ACSM3: variants seen among roughly 807,000 people sequenced by gnomAD.
ACSM3 encodes acyl-coenzyme A synthetase ACSM3, mitochondrial.
Under a neutral mutation model 74.1 loss-of-function variants are expected in ACSM3, and 61 were observed. That is an observed-to-expected ratio of 0.82 (90% CI 0.67 to 1.02). The LOEUF is 1.02. Among genes scored for constraint, ACSM3 ranks in the 50% least tolerant of loss-of-function variants. The pLI, the probability that ACSM3 is intolerant of heterozygous loss-of-function variation, is 0.00. For missense variants in ACSM3, 660 were observed against 697.0 expected, an observed-to-expected ratio of 0.95 and a Z score of 0.60; for synonymous variants, 213 against 241.5, an observed-to-expected ratio of 0.88 and a Z score of 1.09.
chr16:20,703,292 A>T (rs949025172), intron 1 of ACSM3: 6 of 152,096 alleles, frequency 3.9e-5, no homozygotes, highest in African/African-American at 1.4e-4. Flanking sequence ...TCTTGGCTAT[A>T]TGGGCTCTTT....
rs1353621818 is a variant in ACSM3 at position 20,785,082 on chromosome 16, A to G, written c.1118A>G (p.Tyr373Cys). The G allele has an allele frequency of 3.1e-6, 5 of 1,613,558 alleles. No individual in the cohort carries two copies. The highest frequency in any genetic ancestry group is 2.2e-5 in the South Asian group (2 of 91,078). The change falls in exon 8 of 14, where the codon TAC (tyrosine) becomes TGC (cysteine). Residue 373 changes from tyrosine to cysteine, a missense_variant. Transcript: ENST00000289416. ...AGAAACAAGACGGGCCTGGATATCT[A>G]CGAAGGATATGGACAGACTGAAACG... is the stretch of plus-strand genomic sequence containing the variant. ...KWRNKTGLDI[Y>C]EGYGQTETVL...
chr16:20,708,214 T>C (rs1387999022), intron 1 of ACSM3, among the ~76,000 whole-genome samples: 2 of 152,078 alleles, frequency 1.3e-5, no homozygotes, highest in Non-Finnish European at 2.9e-5. Flanking sequence ...GACAGGAGAA[T>C]TGCTTGAACC....
At chr16:20,728,010 T>G (rs2079812767) in intron 1 of ACSM3, among the ~76,000 whole-genome samples, 1 of 152,246 alleles carries the variant, frequency 6.6e-6, no homozygotes, top group African/African-American at 2.4e-5. Flanking sequence ...AGCACACCCA[T>G]GTTTGAGAAC....
At chr16:20,741,481 G>GGGGGGGGGGCGCCCCCCCCCC in intron 1 of ACSM3, 2 of 1,308,412 alleles carry the variant, frequency 1.5e-6, no homozygotes, top group Non-Finnish European at 2.0e-6. Context: ...CTGGCAGCCG[G>GGGGGGGGGGCGCCCCCCCCCC]CCCGCCCGCC....
chr16:20,792,409 G>C, intron 12 of ACSM3, 74 bp downstream of exon 12: 1 of 1,588,400 alleles, frequency 6.3e-7, no homozygotes, highest in Non-Finnish European at 8.6e-7. Context: ...GTAGCTCAGT[G>C]AAACAGAATT....
intron 4 of ACSM3, among the ~76,000 whole-genome samples, chr16:20,779,566 T>G (rs552690165): frequency 6.6e-6 from 1 of 152,144 alleles, no homozygotes; most frequent in Non-Finnish European, 1.5e-5. Context: ...ACACTTGATA[T>G]GTATGTGTGC....
At chr16:20,777,640 T>A (rs1156293369) in intron 4 of ACSM3, 60 bp downstream of exon 4, 1 of 1,441,644 alleles carries the variant, frequency 6.9e-7, no homozygotes, top group East Asian at 2.3e-5. Flanking sequence ...AATAAAAAGA[T>A]ATTAAACCCA....
chr16:20,746,120 A>G (rs943471224), intron 1 of ACSM3, among the ~76,000 whole-genome samples: 1 of 152,230 alleles, frequency 6.6e-6, no homozygotes, highest in Non-Finnish European at 1.5e-5. Flanking sequence ...ATTCCCTGTT[A>G]GATTTAAAAA....
intron 4 of ACSM3, among the ~76,000 whole-genome samples, chr16:20,779,624 A>T (rs1261933506): frequency 2.0e-5 from 3 of 152,044 alleles, no homozygotes; most frequent in African/African-American, 7.2e-5. Flanking sequence ...ATCCTTTGGA[A>T]CTAAAAGGTT....
At chr16:20,729,174 T>C in intron 1 of ACSM3, 1 of 671,744 alleles carries the variant, frequency 1.5e-6, no homozygotes, top group South Asian at 1.6e-5. Context: ...TAATGAGTGT[T>C]ATACCCATTT....
chr16:20,744,419 C>G (rs903823811), intron 1 of ACSM3, among the ~76,000 whole-genome samples: 1 of 152,208 alleles, frequency 6.6e-6, no homozygotes, highest in African/African-American at 2.4e-5. Flanking sequence ...CGGAGTCTTG[C>G]TGTCGCACAG....
intron 1 of ACSM3, among the ~76,000 whole-genome samples, chr16:20,707,809 GT>G (rs1187722421): frequency 6.6e-6 from 1 of 152,088 alleles, no homozygotes; most frequent in African/African-American, 2.4e-5. Context: ...AAATGAAAAG[GT>G]TACTTGAATA....
chr16:20,727,986 C>T (rs569343294), intron 1 of ACSM3, among the ~76,000 whole-genome samples: 1 of 152,310 alleles, frequency 6.6e-6, no homozygotes, highest in East Asian at 1.9e-4. Context: ...CCAGAATCTC[C>T]AATTTGATTC....
chr16:20,733,140 A>G (rs1027967738), intron 1 of ACSM3: 31 of 152,228 alleles, frequency 2.0e-4, no homozygotes, highest in African/African-American at 6.3e-4. Context: ...AAAAGTAAAT[A>G]AAAGTCTAAA....
intron 1 of ACSM3, among the ~76,000 whole-genome samples, chr16:20,678,171 A>G (rs2079351372): frequency 6.6e-6 from 1 of 152,192 alleles, no homozygotes; most frequent in Non-Finnish European, 1.5e-5. Flanking sequence ...TGTTTTGCCC[A>G]GAAAAATATC....
chr16:20,734,917 G>C (rs67088894), intron 1 of ACSM3: 19,437 of 152,172 alleles, frequency 0.13, 1,318 homozygotes, highest in East Asian at 0.21. Context: ...GTTCCTCATA[G>C]GTTATATACT....
chr16:20,791,946 C>A, intron 10 of ACSM3, 56 bp from the exon 11 acceptor site: 4 of 1,570,630 alleles, frequency 2.5e-6, no homozygotes, highest in Admixed American at 3.8e-5. Flanking sequence ...AAAAAAATTC[C>A]AATTGACCAG....
intron 1 of ACSM3, among the ~76,000 whole-genome samples, chr16:20,725,955 C>G (rs529473873): frequency 6.6e-6 from 1 of 151,962 alleles, no homozygotes; most frequent in African/African-American, 2.4e-5. Context: ...GCCTGGGCAA[C>G]AGCGCAAGAC....
At chr16:20,676,339 G>C (rs1567301278) in intron 1 of ACSM3, among the ~76,000 whole-genome samples, 1 of 152,146 alleles carries the variant, frequency 6.6e-6, no homozygotes, top group Non-Finnish European at 1.5e-5. Flanking sequence ...AAAAGAAAAA[G>C]GCAACCAATA....
Sources: allele counts gnomAD v4.1 joint callset (sites outside exome capture counted in the v4.1 genomes callset), GRCh38; gene constraint gnomAD v4.1.1; transcripts MANE v1.5; gene names NCBI Gene and HGNC (gene_info 2026-07-23, HGNC 2026-07-21).